GMPS: variants seen among roughly 807,000 people sequenced by gnomAD.
GMPS encodes guanosine monophosphate synthase.
A neutral mutation model predicts 77.9 loss-of-function variants in GMPS; 15 were observed. The ratio of observed to expected loss-of-function variants is 0.19; its 90% CI spans 0.13 to 0.30. GMPS has a LOEUF of 0.30. GMPS is among the 10% of genes least tolerant of loss of function. GMPS has a pLI of 1.00. For synonymous variants in GMPS, 224 were observed against 275.9 expected (o/e 0.81, Z 1.86); for missense variants, 590 against 838.8 (o/e 0.70, Z 3.66).
At chr3:155,885,304 T>TACTCAG (rs1174730313) in intron 1 of GMPS, among the ~76,000 whole-genome samples, 1 of 152,232 alleles carries the variant, frequency 6.6e-6, no homozygotes, top group Non-Finnish European at 1.5e-5. Flanking sequence ...ATCTGTTGTG[T>TACTCAG]ACTCAGATTA....
chr3:155,893,513 T>G lies in GMPS; in HGVS notation c.28-5T>G, dbSNP rs759189661. The G allele has an allele frequency of 6.3e-6, 10 of 1,578,218 alleles. No individual in the cohort carries two copies. Among genetic ancestry groups the G allele is most frequent in the Admixed American group, 3.8e-5 (2 of 52,124 alleles). On this transcript the variant is annotated splice_polypyrimidine_tract_variant and splice_region_variant and intron_variant, in intron 1 of 15. Transcript: ENST00000496455. ...AAGACTTTGTATTTGTATTGATATTTGCAGCTGGAGAATGCTGGAGGAGAC... is the reference window on the plus strand; with the variant it reads ...AAGACTTTGTATTTGTATTGATATTGGCAGCTGGAGAATGCTGGAGGAGAC...
chr3:155,879,831 A>G (rs916761444), intron 1 of GMPS, among the ~76,000 whole-genome samples: 1 of 148,022 alleles, frequency 6.8e-6, no homozygotes, highest in Non-Finnish European at 1.5e-5. Flanking sequence ...CCTGGGTTCA[A>G]GCAATTCTCC....
At chr3:155,927,195 A>G (rs917103651) in intron 12 of GMPS, among the ~76,000 whole-genome samples, 1 of 152,156 alleles carries the variant, frequency 6.6e-6, no homozygotes, top group Non-Finnish European at 1.5e-5. Flanking sequence ...AGTTACTGAT[A>G]CTTTCTTTCA....
chr3:155,933,453 A>G (rs1186055788), intron 13 of GMPS, among the ~76,000 whole-genome samples: 1 of 152,160 alleles, frequency 6.6e-6, no homozygotes, highest in Non-Finnish European at 1.5e-5. Flanking sequence ...GGTTCATGGC[A>G]TTCTCTTAAC....
chr3:155,901,614 C>A (rs1754740078), intron 3 of GMPS, among the ~76,000 whole-genome samples: 1 of 151,796 alleles, frequency 6.6e-6, no homozygotes, highest in South Asian at 2.1e-4. Context: ...TATAAAAAAT[C>A]TTCTGCTCTA....
chr3:155,895,305 T>A (rs1478565179), intron 2 of GMPS: 1 of 152,146 alleles, frequency 6.6e-6, no homozygotes, highest in East Asian at 1.9e-4. Context: ...TATTTTTATT[T>A]TTTTTTTATT....
chr3:155,880,882 G>A (rs1394857760), intron 1 of GMPS, among the ~76,000 whole-genome samples: 1 of 151,744 alleles, frequency 6.6e-6, no homozygotes, highest in Non-Finnish European at 1.5e-5. Context: ...TCCTTCATTA[G>A]TTACCCTCTT....
At chr3:155,882,334 C>T (rs1754229519) in intron 1 of GMPS, among the ~76,000 whole-genome samples, 1 of 152,030 alleles carries the variant, frequency 6.6e-6, no homozygotes, top group African/African-American at 2.4e-5. Flanking sequence ...CCCTCAGGTC[C>T]CTATCCAGTT....
At chr3:155,889,291 C>G (rs1377156399) in intron 1 of GMPS, among the ~76,000 whole-genome samples, 1 of 152,122 alleles carries the variant, frequency 6.6e-6, no homozygotes, top group Non-Finnish European at 1.5e-5. Flanking sequence ...AGCAGTGGCT[C>G]TTCATAGCAG....
intron 1 of GMPS, among the ~76,000 whole-genome samples, chr3:155,871,411 C>A (rs1030537110): frequency 6.6e-6 from 1 of 152,172 alleles, no homozygotes; most frequent in Non-Finnish European, 1.5e-5. Context: ...CACCCCGTTT[C>A]CCGCCTGCCC....
chr3:155,919,424 T>G, intron 10 of GMPS, 86 bp downstream of exon 10: 1 of 679,716 alleles, frequency 1.5e-6, no homozygotes, highest in South Asian at 1.8e-5. Flanking sequence ...TGAAATAATC[T>G]GTCATCTCAG....
chr3:155,899,958 T>C (rs1243130171), intron 3 of GMPS, among the ~76,000 whole-genome samples: 2 of 152,192 alleles, frequency 1.3e-5, no homozygotes, highest in Admixed American at 1.3e-4. Context: ...AATATTCCAT[T>C]GTATGGAGGT....
At chr3:155,919,472 G>T in intron 10 of GMPS, 134 bp downstream of exon 10, 1 of 564,212 alleles carries the variant, frequency 1.8e-6, no homozygotes, top group Non-Finnish European at 3.2e-6. Flanking sequence ...GGATGGTTAG[G>T]GAATAATTGA....
At chr3:155,888,950 G>A (rs1754402376) in intron 1 of GMPS, among the ~76,000 whole-genome samples, 1 of 151,846 alleles carries the variant, frequency 6.6e-6, no homozygotes, top group Non-Finnish European at 1.5e-5. Context: ...CGAACTCATG[G>A]GCTCAAGCGA....
In GMPS at chr3:155,911,260, G is replaced by A; in HGVS notation, c.867G>A (p.Lys289=). Residue 289 remains lysine (K), a synonymous_variant, in exon 7 of 16, where the codon AAG becomes AAA. Coordinates refer to ENST00000496455, the MANE Select transcript of GMPS (RefSeq NM_003875.3). ...AGTCTGTTGAAGAGGCCCTCAAAAA[G>A]CTTGGAATTCAGGTCAAAGGTATTG... The part of the protein sequence containing the change: ...ESQSVEEALK[K]LGIQVKVINA... 2 of 1,608,116 alleles carry A rather than the reference G, an allele frequency of 1.2e-6. No homozygotes were observed. The highest frequency in any genetic ancestry group is 1.7e-6 in the Non-Finnish European group (2 of 1,177,918).
In GMPS at chr3:155,877,797, C is replaced by CT. The variant is rs35973380; in HGVS notation, c.27+6918dup. On this transcript the variant is annotated intron_variant, in intron 1 of 15. Coordinates refer to ENST00000496455, the MANE Select transcript of GMPS (RefSeq NM_003875.3). ...TGATGCTGTGTCCTCACCTTGGGGC[C>CT]TTTTTTTTTTTTTTTTTTGAGACAG... 1.4e-3 allele frequency among the ~76,000 whole-genome samples: 153 copies of CT among 113,038 alleles called. 2 individuals carry two copies. Among genetic ancestry groups the CT allele is most frequent in the Middle Eastern group, 4.5e-3 (1 of 222 alleles). 74.2% of individuals were successfully genotyped at this position (113,038 alleles called of 152,430 possible). A position where few individuals can be genotyped will look rare whatever the true frequency, so the allele number is the denominator to read the frequency against.
At position 155,918,941 on chromosome 3, in the gene GMPS, C is replaced by T. The variant is rs77456687; in HGVS notation, c.1213-292C>T. Among the ~76,000 whole-genome samples the T allele has an allele frequency of 1.2e-3, 183 of 152,112 alleles. 1 individual carries two copies. Among genetic ancestry groups the T allele is most frequent in the African/African-American group, 4.1e-3 (172 of 41,484 alleles). ...GGAACACTAGTATATTTTCTAATTG[C>T]TTTGTATTCTAATGAGAATTAGATC... On this transcript the variant is annotated intron_variant, in intron 9 of 15. Coordinates refer to ENST00000496455, the MANE Select transcript of GMPS (RefSeq NM_003875.3).
At chr3:155,875,636 G>C (rs1046318707) in intron 1 of GMPS, among the ~76,000 whole-genome samples, 7 of 152,344 alleles carry the variant, frequency 4.6e-5, no homozygotes, top group Admixed American at 3.9e-4. Flanking sequence ...AGCACTTTGT[G>C]AATCAACAGA....
At chr3:155,893,909 A>T (rs1754533280) in intron 2 of GMPS, among the ~76,000 whole-genome samples, 1 of 152,230 alleles carries the variant, frequency 6.6e-6, no homozygotes, top group South Asian at 2.1e-4. Context: ...AGTTAAAAGA[A>T]CTTATCATTT....
Sources: gnomAD v4.1 joint callset for allele counts (sites outside exome capture counted in the v4.1 genomes callset) on GRCh38, gnomAD v4.1.1 for gene constraint, MANE v1.5 for transcripts, NCBI Gene and HGNC (gene_info 2026-07-23, HGNC 2026-07-21) for gene names.